Variants in PCLO observed in about 807,000 individuals in gnomAD.
The protein encoded by PCLO is piccolo presynaptic cytomatrix protein.
In PCLO, 82 loss-of-function variants were observed where a neutral mutation model predicts 427.5. That is an observed-to-expected ratio of 0.19 (90% CI 0.16 to 0.23). The LOEUF is 0.23. Among genes scored for constraint, PCLO ranks in the 10% least tolerant of loss-of-function variants. PCLO has a pLI of 1.00. For synonymous variants in PCLO, 2,357 were observed against 2,155.4 expected (o/e 1.09, Z -2.59); for missense variants, 6,239 against 6,115.9 (o/e 1.02, Z -0.67).
rs2116424065 is a variant in PCLO at position 82,950,920 on chromosome 7, A to C, written c.9668T>G (p.Leu3223Arg). Residue 3223 changes from leucine (L) to arginine (R), a missense_variant, in exon 6 of 25, where the codon CTG becomes CGG. Transcript: ENST00000333891. ...QLDLERELLE[L>R]EKIKQQRFAE... ...AAAGCGCTGTTGCTTAATTTTCTCCAGTTCCAGGAGCTCACGCTCCAAGTC... is the reference window on the plus strand; with the variant it reads ...AAAGCGCTGTTGCTTAATTTTCTCCCGTTCCAGGAGCTCACGCTCCAAGTC... 2.5e-6 allele frequency: 4 copies of C among 1,613,382 alleles called. No individual in the cohort carries two copies. Among genetic ancestry groups the C allele is most frequent in the Non-Finnish European group, 3.4e-6 (4 of 1,179,838 alleles).
At chr7:83,150,889 TACTTGAGGGCA>T (rs1013922448) in intron 2 of PCLO, among the ~76,000 whole-genome samples, 3 of 152,348 alleles carry the variant, frequency 2.0e-5, no homozygotes, top group Non-Finnish European at 4.4e-5. Context: ...TCAATCTGAA[TACTTGAGGGCA>T]ACTTGACCCA....
At chr7:82,811,425 T>G (rs1466163085) in intron 20 of PCLO, among the ~76,000 whole-genome samples, 1 of 151,586 alleles carries the variant, frequency 6.6e-6, no homozygotes, top group South Asian at 2.1e-4. Flanking sequence ...TTACTGTTTT[T>G]GTTTTTTGAT....
Position 82,757,860 on chromosome 7 carries a change from A to G in PCLO, c.*715T>C, listed in dbSNP as rs2129467429. On this transcript the variant is annotated 3_prime_UTR_variant, in exon 25 of 25. Coordinates refer to ENST00000333891, the MANE Select transcript of PCLO (RefSeq NM_033026.6). Reference sequence around the variant, plus strand: ...TCTAGATAAATTCAATTTTATTTCTACTGAGTATTATCTTCACTCTACCTT... The same window carrying G: ...TCTAGATAAATTCAATTTTATTTCTGCTGAGTATTATCTTCACTCTACCTT... The G allele has an allele frequency of 6.6e-6, 1 of 152,094 alleles. No homozygotes were observed. The highest frequency in any genetic ancestry group is 1.5e-5 in the Non-Finnish European group (1 of 67,904). 9.4% of individuals were successfully genotyped at this position (152,094 alleles called of 1,614,324 possible). A position where few individuals can be genotyped will look rare whatever the true frequency, so the allele number is the denominator to read the frequency against.
intron 2 of PCLO, among the ~76,000 whole-genome samples, chr7:83,146,358 G>A: frequency 6.6e-6 from 1 of 152,100 alleles, no homozygotes. Context: ...AGGATAACCA[G>A]TATAAACTTC....
In PCLO at chr7:82,956,912, G is replaced by T; in HGVS notation, c.4041C>A (p.Asp1347Glu). ...EKTEKEDDKS[D>E]TSSSQQPKSP... ...TTTTAGGCTGCTGAGAACTTGAGGTGTCTGATTTGTCATCTTCCTTTTCCT... is the reference window on the plus strand; with the variant it reads ...TTTTAGGCTGCTGAGAACTTGAGGTTTCTGATTTGTCATCTTCCTTTTCCT... Residue 1347 changes from aspartate (D) to glutamate (E), a missense_variant, in exon 5 of 25, where the codon GAC (aspartate) becomes GAA (glutamate). Coordinates refer to ENST00000333891, the MANE Select transcript of PCLO (RefSeq NM_033026.6). 1 of 1,605,082 alleles carries T rather than the reference G, an allele frequency of 6.2e-7. No homozygotes were observed. The highest frequency in any genetic ancestry group is 1.3e-5 in the African/African-American group (1 of 74,504).
At chr7:82,848,517 G>T (rs1209126931) in intron 10 of PCLO, among the ~76,000 whole-genome samples, 1 of 151,546 alleles carries the variant, frequency 6.6e-6, no homozygotes, top group Admixed American at 6.6e-5. Context: ...CACCATGTTG[G>T]CCAGGCTGGT....
At chr7:83,038,438 A>G (rs1343554196) in intron 3 of PCLO, among the ~76,000 whole-genome samples, 1 of 151,718 alleles carries the variant, frequency 6.6e-6, no homozygotes, top group African/African-American at 2.4e-5. Flanking sequence ...ATCTCTATAA[A>G]TTTGATAATG....
intron 6 of PCLO, among the ~76,000 whole-genome samples, chr7:82,922,961 A>G (rs1794632440): frequency 6.6e-6 from 1 of 152,078 alleles, no homozygotes; most frequent in South Asian, 2.1e-4. Context: ...TCAACTAAGC[A>G]GGAAATATTT....
At chr7:82,879,735 C>A (rs548533259) in intron 9 of PCLO, 59 of 443,470 alleles carry the variant, frequency 1.3e-4, no homozygotes, top group African/African-American at 1.2e-3. Context: ...CCAGGACTTG[C>A]CAATTTTTGA....
intron 3 of PCLO, among the ~76,000 whole-genome samples, chr7:83,050,037 G>C (rs552375684): frequency 6.9e-6 from 1 of 145,574 alleles, no homozygotes; most frequent in South Asian, 2.2e-4. Flanking sequence ...CTTTCCCTAA[G>C]TACTAGCTCC....
intron 3 of PCLO, among the ~76,000 whole-genome samples, chr7:82,993,655 C>T (rs1796430196): frequency 6.6e-6 from 1 of 151,726 alleles, no homozygotes; most frequent in Non-Finnish European, 1.5e-5. Flanking sequence ...TAATAGACTA[C>T]AGTATAGTGT....
chr7:83,022,583 T>C (rs925956656), intron 3 of PCLO, among the ~76,000 whole-genome samples: 2 of 152,172 alleles, frequency 1.3e-5, no homozygotes, highest in Non-Finnish European at 2.9e-5. Context: ...ATGAAAACAA[T>C]ATACACTAGC....
chr7:82,920,345 C>G (rs1189785867), intron 6 of PCLO, among the ~76,000 whole-genome samples: 1 of 151,638 alleles, frequency 6.6e-6, no homozygotes, highest in Non-Finnish European at 1.5e-5. Context: ...TTGTTGTTTA[C>G]TATGGTTTTC....
At chr7:83,076,767 TA>T (rs1175997725) in intron 3 of PCLO, among the ~76,000 whole-genome samples, 1 of 151,902 alleles carries the variant, frequency 6.6e-6, no homozygotes, top group African/African-American at 2.4e-5. Flanking sequence ...CTAATCTTTC[TA>T]ATCCTATGTT....
intron 3 of PCLO, among the ~76,000 whole-genome samples, chr7:83,127,775 G>A (rs1330677947): frequency 6.6e-6 from 1 of 151,998 alleles, no homozygotes; most frequent in African/African-American, 2.4e-5. Flanking sequence ...GAACCAGAGA[G>A]GTCAGCAGAA....
At chr7:82,823,021 G>A (rs1791834623) in intron 19 of PCLO, among the ~76,000 whole-genome samples, 1 of 152,140 alleles carries the variant, frequency 6.6e-6, no homozygotes, top group African/African-American at 2.4e-5. Flanking sequence ...ACAATACACA[G>A]GAGGAGTTTT....
At chr7:83,160,061 G>A (rs1369673323) in intron 1 of PCLO, among the ~76,000 whole-genome samples, 2 of 152,120 alleles carry the variant, frequency 1.3e-5, no homozygotes, top group Non-Finnish European at 2.9e-5. Flanking sequence ...AGCCATCGGT[G>A]ACAGTGTCAC....
intron 3 of PCLO, among the ~76,000 whole-genome samples, chr7:83,109,017 C>CTCT (rs35252335): frequency 0.52 from 78,098 of 151,460 alleles, 20,657 homozygotes; most frequent in African/African-American, 0.64. Context: ...AAAGTTTGGA[C>CTCT]TCTTACCTAA....
chr7:82,779,508 GT>G (rs1464243053), intron 22 of PCLO, among the ~76,000 whole-genome samples: 1 of 152,060 alleles, frequency 6.6e-6, no homozygotes, highest in African/African-American at 2.4e-5. Flanking sequence ...TTAATCATGT[GT>G]TTTTCAAATT....
Sources: allele counts gnomAD v4.1 joint callset (sites outside exome capture counted in the v4.1 genomes callset), GRCh38; gene constraint gnomAD v4.1.1; transcripts MANE v1.5; gene names NCBI Gene and HGNC (gene_info 2026-07-23, HGNC 2026-07-21).